VGLL4: variants seen among roughly 807,000 people sequenced by gnomAD.
The protein encoded by VGLL4 is vestigial like family member 4, also known as transcription cofactor vestigial-like protein 4.
A neutral mutation model predicts 21.0 loss-of-function variants in VGLL4; 7 were observed. That is an observed-to-expected ratio of 0.33 (90% confidence interval 0.19 to 0.63). The LOEUF (loss-of-function observed/expected upper bound fraction) is 0.63, where lower values mean the gene tolerates loss of function less well. Among genes scored for constraint, VGLL4 ranks in the 20% least tolerant of loss-of-function variants. The pLI is 0.78. For synonymous variants in VGLL4, 222 were observed against 173.2 expected (o/e 1.28, Z -2.21); for missense variants, 394 against 425.7 (o/e 0.93, Z 0.66).
chr3:11,686,258 G>A (rs910527724), intron 2 of VGLL4, among the ~76,000 whole-genome samples: 9 of 152,046 alleles, frequency 5.9e-5, no homozygotes, highest in African/African-American at 1.7e-4. Flanking sequence ...TATTCACTTG[G>A]GTCTGTTGAT....
intron 1 of VGLL4, among the ~76,000 whole-genome samples, chr3:11,641,763 A>AAGAGC (rs1351459129): frequency 8.8e-4 from 134 of 152,294 alleles, no homozygotes; most frequent in African/African-American, 3.1e-3. Flanking sequence ...ACCGAGAGAG[A>AAGAGC]AGAGCAGAGC....
intron 2 of VGLL4, chr3:11,671,473 C>A: frequency 1.5e-6 from 1 of 684,100 alleles, no homozygotes; most frequent in South Asian, 1.5e-5. Context: ...GTCCCAGGAC[C>A]CCCAGGTGTA....
intron 2 of VGLL4, among the ~76,000 whole-genome samples, chr3:11,601,109 G>A (rs897940734): frequency 2.6e-5 from 4 of 152,200 alleles, no homozygotes; most frequent in African/African-American, 7.2e-5. Context: ...GCACGGAAGC[G>A]GGAGGCTTTT....
chr3:11,665,851 A>T (rs200690939), intron 2 of VGLL4, among the ~76,000 whole-genome samples: 1 of 152,230 alleles, frequency 6.6e-6, no homozygotes, highest in East Asian at 1.9e-4. Context: ...ATAAAGCAGG[A>T]AAGTGCAAGC....
chr3:11,576,777 A>G (rs888848508), intron 2 of VGLL4, among the ~76,000 whole-genome samples: 19 of 152,358 alleles, frequency 1.2e-4, no homozygotes, highest in South Asian at 2.1e-4. Context: ...CTGTGCTGGA[A>G]AAGTGGAGGG....
chr3:11,598,867 A>G (rs909054348), intron 2 of VGLL4, among the ~76,000 whole-genome samples: 1 of 152,236 alleles, frequency 6.6e-6, no homozygotes, highest in African/African-American at 2.4e-5. Context: ...TCACATTTTC[A>G]TTACATGTTA....
intron 1 of VGLL4, among the ~76,000 whole-genome samples, chr3:11,709,066 T>A (rs1404952385): frequency 2.7e-5 from 4 of 149,286 alleles, no homozygotes; most frequent in Middle Eastern, 3.3e-3. Flanking sequence ...ATCTCAAAAA[T>A]AATAATAATA....
chr3:11,556,933 A>G lies in VGLL4; in HGVS notation c.*1623T>C, dbSNP rs1376284159. 3 of 152,762 alleles carry G rather than the reference A, an allele frequency of 2.0e-5. No homozygotes were observed. The highest frequency in any genetic ancestry group is 7.2e-5 in the African/African-American group (3 of 41,450). The allele number at this position is 152,762 out of a possible 1,614,324, so 9.5% of individuals were successfully genotyped here. A position where few individuals can be genotyped will look rare whatever the true frequency, so the allele number is the denominator to read the frequency against. The stretch of plus-strand genomic sequence containing the variant: ...AAAGGCCTGCAGCCACTCTGTGACT[A>G]CAAGAGCCAGTCCTCCGACCTTTTC... On this transcript the variant is annotated 3_prime_UTR_variant, in exon 5 of 5. Coordinates refer to ENST00000430365, the MANE Select transcript of VGLL4 (RefSeq NM_001128219.3).
At chr3:11,590,104 T>G (rs538605720) in intron 2 of VGLL4, among the ~76,000 whole-genome samples, 1 of 152,330 alleles carries the variant, frequency 6.6e-6, no homozygotes, top group South Asian at 2.1e-4. Flanking sequence ...CACCGAACTT[T>G]GACCAGGGAA....
intron 2 of VGLL4, among the ~76,000 whole-genome samples, chr3:11,676,394 C>CA (rs1219773138): frequency 0.016 from 882 of 54,176 alleles, 12 homozygotes; most frequent in African/African-American, 0.047. Context: ...GACTCTGTCT[C>CA]AAAAAAAAAA....
chr3:11,716,000 C>A (rs1015263212), intron 1 of VGLL4, among the ~76,000 whole-genome samples: 1 of 151,800 alleles, frequency 6.6e-6, no homozygotes, highest in African/African-American at 2.4e-5. Context: ...TAGCAAAATC[C>A]CCAATAAAAA....
intron 2 of VGLL4, among the ~76,000 whole-genome samples, chr3:11,657,761 T>TA (rs1215971967): frequency 6.6e-6 from 1 of 152,208 alleles, no homozygotes; most frequent in Non-Finnish European, 1.5e-5. Context: ...AGCAGTGTTC[T>TA]ACGAAACTAT....
chr3:11,622,481 T>G (rs912429876), intron 1 of VGLL4, among the ~76,000 whole-genome samples: 1 of 152,214 alleles, frequency 6.6e-6, no homozygotes, highest in Non-Finnish European at 1.5e-5. Flanking sequence ...CCAGCCTATT[T>G]TCTTTAAAGC....
intron 2 of VGLL4, among the ~76,000 whole-genome samples, chr3:11,675,850 G>A (rs937916934): frequency 6.6e-6 from 1 of 152,114 alleles, no homozygotes; most frequent in Non-Finnish European, 1.5e-5. Flanking sequence ...CTAGATTAAT[G>A]GTAGCCTCAT....
chr3:11,644,597 C>T (rs2075758485), upstream of VGLL4, among the ~76,000 whole-genome samples: 1 of 152,044 alleles, frequency 6.6e-6, no homozygotes, highest in African/African-American at 2.4e-5. Flanking sequence ...GTGGCTCACA[C>T]CTGTAATCCT....
chr3:11,577,557 C>T (rs546561053), intron 2 of VGLL4, among the ~76,000 whole-genome samples: 20 of 152,326 alleles, frequency 1.3e-4, no homozygotes, highest in Non-Finnish European at 2.4e-4. Flanking sequence ...CATGCCACTG[C>T]ACTCCAGTCT....
At chr3:11,700,746 A>G (rs1203961167) in intron 2 of VGLL4, among the ~76,000 whole-genome samples, 1 of 152,214 alleles carries the variant, frequency 6.6e-6, no homozygotes, top group Non-Finnish European at 1.5e-5. Context: ...GAGAGGTGAT[A>G]TGCAATTGTA....
chr3:11,644,710 G>A (rs1204720403), upstream of VGLL4, among the ~76,000 whole-genome samples: 2 of 151,974 alleles, frequency 1.3e-5, no homozygotes, highest in Non-Finnish European at 2.9e-5. Flanking sequence ...GCCTGGTGTG[G>A]TAGCGCACGC....
chr3:11,605,227 G>C (rs551487662), intron 1 of VGLL4, among the ~76,000 whole-genome samples: 1 of 10,428 alleles, frequency 9.6e-5, no homozygotes, highest in Non-Finnish European at 2.1e-4. Flanking sequence ...GCGCCCCCAC[G>C]CCCACCCCCC....
Sources: gnomAD v4.1 joint callset for allele counts (sites outside exome capture counted in the v4.1 genomes callset) on GRCh38, gnomAD v4.1.1 for gene constraint, MANE v1.5 for transcripts, NCBI Gene and HGNC (gene_info 2026-07-23, HGNC 2026-07-21) for gene names.